The following CNTN4 variants were observed in gnomAD, a reference collection of about 807,000 sequenced individuals.
The protein encoded by CNTN4 is contactin 4.
A neutral mutation model predicts 122.5 loss-of-function variants in CNTN4; 77 were observed. The observed-to-expected ratio is 0.63, with a 90% CI of 0.52 to 0.76. CNTN4 has a LOEUF of 0.76. Ranked by LOEUF, CNTN4 falls within the 30% of genes least tolerant of loss-of-function variation. The probability of loss-of-function intolerance (pLI) is 0.00; values close to 1 mark genes in which losing one functional copy is unlikely to be tolerated. For synonymous variants in CNTN4, 512 were observed against 447.0 expected (o/e 1.15, Z -1.83); for missense variants, 1,256 against 1,259.1 (o/e 1.00, Z 0.04).
At chr3:2,133,119 G>C (rs965036960) in intron 2 of CNTN4, among the ~76,000 whole-genome samples, 1 of 152,162 alleles carries the variant, frequency 6.6e-6, no homozygotes, top group Admixed American at 6.5e-5. Context: ...GTTGAGAAGA[G>C]GGAGGAGGAA....
intron 3 of CNTN4, among the ~76,000 whole-genome samples, chr3:2,498,764 G>A (rs1355453250): frequency 6.6e-6 from 1 of 151,978 alleles, no homozygotes; most frequent in African/African-American, 2.4e-5. Context: ...TTACATGTGT[G>A]AGCCACTGCA....
intron 4 of CNTN4, among the ~76,000 whole-genome samples, chr3:2,700,797 A>C (rs1024961977): frequency 2.0e-5 from 3 of 152,226 alleles, no homozygotes; most frequent in African/African-American, 7.2e-5. Flanking sequence ...AAAATGAAAG[A>C]AGTTTCGTTT....
At chr3:2,518,363 A>G (rs1286511279) in intron 3 of CNTN4, among the ~76,000 whole-genome samples, 2 of 152,182 alleles carry the variant, frequency 1.3e-5, no homozygotes, top group Admixed American at 6.5e-5. Context: ...TAATACATGA[A>G]TAATACTCAG....
chr3:2,661,169 G>C (rs1006091548), intron 4 of CNTN4, among the ~76,000 whole-genome samples: 1 of 152,170 alleles, frequency 6.6e-6, no homozygotes, highest in African/African-American at 2.4e-5. Flanking sequence ...AGACTAAGAT[G>C]ACAAAGGAAA....
intron 3 of CNTN4, among the ~76,000 whole-genome samples, chr3:2,364,835 C>T (rs934340276): frequency 6.6e-6 from 1 of 152,156 alleles, no homozygotes; most frequent in Non-Finnish European, 1.5e-5. Flanking sequence ...TAGGCCATTG[C>T]CATGACAATA....
intron 13 of CNTN4, among the ~76,000 whole-genome samples, chr3:2,986,904 T>C (rs1694630947): frequency 6.6e-6 from 1 of 152,262 alleles, no homozygotes; most frequent in African/African-American, 2.4e-5. Flanking sequence ...ATGCTACCAT[T>C]CCATGTGATA....
chr3:2,300,822 G>A (rs538065855), intron 2 of CNTN4, among the ~76,000 whole-genome samples: 78 of 151,988 alleles, frequency 5.1e-4, no homozygotes, highest in Admixed American at 2.0e-3. Flanking sequence ...ACCCACCTCG[G>A]CCTCCCAAAG....
rs551419797 is a variant in CNTN4 at position 2,850,083 on chromosome 3, G to A, written c.455-16669G>A. 4.1e-4 allele frequency among the ~76,000 whole-genome samples: 61 copies of A among 149,026 alleles called. 1 individual carries two copies. Among genetic ancestry groups the A allele is most frequent in the African/African-American group, 1.1e-3 (46 of 40,504 alleles). On this transcript the variant is annotated intron_variant, in intron 7 of 24. Coordinates refer to ENST00000418658, the MANE Select transcript of CNTN4 (RefSeq NM_175607.3). ...CAGCTCACTGCAAGCTCCACCTCCC[G>A]AGTTCAAGTGATTCTCCTGCCTCAG...
chr3:2,771,625 C>T (rs980613922), intron 6 of CNTN4, among the ~76,000 whole-genome samples: 11 of 151,552 alleles, frequency 7.3e-5, no homozygotes, highest in Admixed American at 1.3e-4. Context: ...ATGTAAATGT[C>T]TTATATAAAA....
chr3:2,604,453 T>C (rs1165173512), intron 4 of CNTN4, among the ~76,000 whole-genome samples: 2 of 152,214 alleles, frequency 1.3e-5, no homozygotes, highest in African/African-American at 4.8e-5. Context: ...CCAGTTCTTA[T>C]GTTCAGTTGG....
Position 2,385,107 on chromosome 3 carries a change from G to C in CNTN4, c.-89+45874G>C, listed in dbSNP as rs2046196899. On this transcript the variant is annotated intron_variant, in intron 3 of 24. Transcript: ENST00000418658. This position sits in a 1 kb window ranked among gnomAD's most constrained non-coding sequence, Gnocchi z 4.0. ...CAAATAAATTACATTGCTGATATCA[G>C]AGTGACCTGTTAAAAGTATAAACAT... 6.6e-6 allele frequency among the ~76,000 whole-genome samples: 1 copy of C among 151,930 alleles called. No individual in the cohort carries two copies. Among genetic ancestry groups the C allele is most frequent in the Non-Finnish European group, 1.5e-5 (1 of 68,012 alleles).
At chr3:2,359,691 C>T (rs1286444949) in intron 3 of CNTN4, among the ~76,000 whole-genome samples, 2 of 152,098 alleles carry the variant, frequency 1.3e-5, no homozygotes, top group Admixed American at 6.6e-5. Flanking sequence ...AGGCGCCCAC[C>T]ACCACGCCCT....
At chr3:2,238,291 A>G (rs1282592220) in intron 2 of CNTN4, among the ~76,000 whole-genome samples, 2 of 152,108 alleles carry the variant, frequency 1.3e-5, no homozygotes, top group Non-Finnish European at 2.9e-5. Context: ...TTCCTTATGA[A>G]TTATGGAATA....
chr3:2,673,804 AGT>A (rs1391179884), intron 4 of CNTN4, among the ~76,000 whole-genome samples: 3 of 152,214 alleles, frequency 2.0e-5, no homozygotes, highest in African/African-American at 7.2e-5. Flanking sequence ...AGCCTCCCAA[AGT>A]GCTGGGATTA....
chr3:2,399,337 C>T (rs1169573899), intron 3 of CNTN4, among the ~76,000 whole-genome samples: 2 of 151,978 alleles, frequency 1.3e-5, no homozygotes, highest in Non-Finnish European at 2.9e-5. Context: ...AAGTTTGAGC[C>T]ATTGTAACTT....
intron 10 of CNTN4, among the ~76,000 whole-genome samples, chr3:2,887,809 A>C (rs1171976282): frequency 6.6e-6 from 1 of 152,172 alleles, no homozygotes; most frequent in Non-Finnish European, 1.5e-5. Flanking sequence ...AAACAATATA[A>C]ATGTAAAACC....
At chr3:2,467,911 T>C (rs1181427722) in intron 3 of CNTN4, among the ~76,000 whole-genome samples, 2 of 152,078 alleles carry the variant, frequency 1.3e-5, no homozygotes, top group Non-Finnish European at 2.9e-5. Flanking sequence ...TTCAAAAGAG[T>C]TTGATGAAGT....
At chr3:2,475,753 T>C (rs540812095) in intron 3 of CNTN4, among the ~76,000 whole-genome samples, 2 of 152,300 alleles carry the variant, frequency 1.3e-5, no homozygotes, top group South Asian at 2.1e-4. Flanking sequence ...TGCCTGTTTA[T>C]TGAGTTTTCT....
chr3:2,224,385 GTGT>G (rs554474200), intron 2 of CNTN4, among the ~76,000 whole-genome samples: 22 of 152,260 alleles, frequency 1.4e-4, no homozygotes, highest in African/African-American at 5.1e-4. Context: ...TAGTCCACAT[GTGT>G]TGTTGCATTT....
Sources: gnomAD v4.1 joint callset for allele counts (sites outside exome capture counted in the v4.1 genomes callset) on GRCh38, gnomAD v4.1.1 for gene constraint, Gnocchi (gnomAD v3.1) non-coding constraint, MANE v1.5 for transcripts, NCBI Gene and HGNC (gene_info 2026-07-23, HGNC 2026-07-21) for gene names.